Variants in AGAP1 observed in about 807,000 individuals in gnomAD.
AGAP1 encodes ArfGAP with GTPase domain, ankyrin repeat and PH domain 1, also known as arf-GAP with GTPase, ANK repeat and PH domain-containing protein 1.
AGAP1 carries 29 observed loss-of-function variants against 105.3 expected under a neutral mutation model. That is an observed-to-expected ratio of 0.28 (90% CI 0.21 to 0.38). AGAP1 has a LOEUF of 0.38. Ranked by LOEUF, AGAP1 falls within the 10% of genes least tolerant of loss-of-function variation. The pLI, the probability that AGAP1 is intolerant of heterozygous loss-of-function variation, is 1.00. For synonymous variants in AGAP1, 509 were observed against 485.9 expected (o/e 1.05, Z -0.63); for missense variants, 998 against 1,165.1 (o/e 0.86, Z 2.09).
intron 1 of AGAP1, among the ~76,000 whole-genome samples, chr2:235,529,559 C>G (rs975291065): frequency 6.6e-6 from 1 of 152,134 alleles, no homozygotes; most frequent in African/African-American, 2.4e-5. Context: ...CCAGTTAATA[C>G]AGAATGCTTG....
intron 1 of AGAP1, among the ~76,000 whole-genome samples, chr2:235,657,370 ATGT>A (rs551046943): frequency 5.3e-5 from 8 of 152,062 alleles, no homozygotes; most frequent in African/African-American, 1.2e-4. Context: ...AGAATAAGTG[ATGT>A]TGTTGTTGTT....
chr2:235,804,929 G>A (rs1266231352), intron 8 of AGAP1, among the ~76,000 whole-genome samples: 2 of 152,200 alleles, frequency 1.3e-5, no homozygotes, highest in African/African-American at 4.8e-5. Flanking sequence ...CCAGCATCAC[G>A]GAAGGATGTG....
At chr2:235,590,246 A>G (rs1945282000) in intron 1 of AGAP1, among the ~76,000 whole-genome samples, 1 of 152,336 alleles carries the variant, frequency 6.6e-6, no homozygotes. Flanking sequence ...TAAAAGCTCC[A>G]GCTTCAAAAA....
rs1204033534 is a variant in AGAP1, at chr2:235,611,730, T to G, written c.164-97449T>G. ...CTTGAGTTTCTGTTGAAATCTAGAT[T>G]TGGTATAACTGTCTTCATTTCTTTA... On this transcript the variant is annotated intron_variant, in intron 1 of 17. Coordinates refer to ENST00000304032, the MANE Select transcript of AGAP1 (RefSeq NM_001037131.3). The surrounding 1 kb of genome is among the most constrained non-coding windows in gnomAD (Gnocchi z 5.0). 6.6e-6 allele frequency among the ~76,000 whole-genome samples: 1 copy of G among 152,202 alleles called. No homozygotes were observed. The highest frequency in any genetic ancestry group is 2.4e-5 in the African/African-American group (1 of 41,446).
rs138224801 is a variant in AGAP1, at chr2:235,789,623, C to CA, written c.674-8126dup. The stretch of plus-strand genomic sequence containing the variant: ...ATTTTAGATTAGAGGGTTGTTTGCT[C>CA]AAAAAAAAAATACATATATATAGTC... On this transcript the variant is annotated intron_variant, in intron 6 of 17. Coordinates refer to ENST00000304032, the MANE Select transcript of AGAP1 (RefSeq NM_001037131.3). This position sits in a 1 kb window ranked among gnomAD's most constrained non-coding sequence, Gnocchi z 4.2. Among the ~76,000 whole-genome samples, 167 of 148,268 alleles carry CA rather than the reference C, an allele frequency of 1.1e-3. 2 individuals carry two copies. In the East Asian group the frequency reaches 0.02, roughly 18 times the overall value.
rs1180683561 is a variant in AGAP1, at chr2:235,904,460, C to A, written c.1156-4278C>A. Among the ~76,000 whole-genome samples, 2 of 152,136 alleles carry A rather than the reference C, an allele frequency of 1.3e-5. No homozygotes were observed. Among genetic ancestry groups the A allele is most frequent in the Non-Finnish European group, 2.9e-5 (2 of 68,034 alleles). On this transcript the variant is annotated intron_variant, in intron 10 of 17. Coordinates refer to ENST00000304032, the MANE Select transcript of AGAP1 (RefSeq NM_001037131.3). This position sits in a 1 kb window ranked among gnomAD's most constrained non-coding sequence, Gnocchi z 4.2. The stretch of plus-strand genomic sequence containing the variant: ...GAGATGGCACCTCTGGGGGGCCTGG[C>A]TCTTGAGTGGGCCCCAGGGACTTGT...
In AGAP1 at chr2:235,691,565, G is replaced by A. The variant is rs75809421; in HGVS notation, c.164-17614G>A. ...CTGGTTCTAAAACAGTCGGATAGCC[G>A]TGGTCATTTGTGGATGTGAGCACAG... On this transcript the variant is annotated intron_variant, in intron 1 of 17. Coordinates refer to ENST00000304032, the MANE Select transcript of AGAP1 (RefSeq NM_001037131.3). This position sits in a 1 kb window ranked among gnomAD's most constrained non-coding sequence, Gnocchi z 4.4. Among the ~76,000 whole-genome samples the A allele has an allele frequency of 0.015, 2,354 of 152,338 alleles. 46 individuals are homozygous for A. The highest frequency in any genetic ancestry group is 0.046 in the African/African-American group (1,926 of 41,564).
chr2:235,558,121 G>A (rs924164005), intron 1 of AGAP1, among the ~76,000 whole-genome samples: 1 of 152,156 alleles, frequency 6.6e-6, no homozygotes, highest in African/African-American at 2.4e-5. Context: ...GTGTGGAAGG[G>A]GCCTTTCTGT....
At chr2:235,680,837 TA>T (rs1467126403) in intron 1 of AGAP1, among the ~76,000 whole-genome samples, 11 of 152,270 alleles carry the variant, frequency 7.2e-5, no homozygotes, top group African/African-American at 1.9e-4. Flanking sequence ...CTCAGAGTTC[TA>T]CTCCACACTT....
chr2:236,040,950 G>A lies in AGAP1; in HGVS notation c.1891+109G>A, dbSNP rs1055708194. 14 of 1,053,766 alleles carry A rather than the reference G, an allele frequency of 1.3e-5. No homozygotes were observed. In the South Asian group the frequency reaches 2.1e-4, roughly 16 times the overall value. 65.3% of individuals were successfully genotyped at this position (1,053,766 alleles called of 1,614,324 possible). ...CACATCTGTCCTGTTTGGCAGATAA[G>A]AGTTAACTGCTTTTAGGAAATTGAG... is the stretch of plus-strand genomic sequence containing the variant. On this transcript the variant is annotated intron_variant, in intron 15 of 17. Transcript: ENST00000304032. The surrounding 1 kb of genome is among the most constrained non-coding windows in gnomAD (Gnocchi z 5.6).
At chr2:235,837,045 G>GCGCAATCTCAGCTTAC (rs1269321058) in intron 9 of AGAP1, among the ~76,000 whole-genome samples, 4 of 152,202 alleles carry the variant, frequency 2.6e-5, no homozygotes, top group Non-Finnish European at 5.9e-5. Context: ...GAGTGCAGTG[G>GCGCAATCTCAGCTTAC]CGCAATCTCA....
rs1281987201 is a variant in AGAP1, at chr2:235,887,353, C to G, written c.1155+3904C>G. 6.6e-6 allele frequency among the ~76,000 whole-genome samples: 1 copy of G among 152,176 alleles called. No individual in the cohort carries two copies. The highest frequency in any genetic ancestry group is 1.5e-5 in the Non-Finnish European group (1 of 68,034). ...GACCACAGCGTGAAGTGGGGCCTCT[C>G]CCTGGTAACACCCTATTGTCTGAAC... On this transcript the variant is annotated intron_variant, in intron 10 of 17. Coordinates refer to ENST00000304032, the MANE Select transcript of AGAP1 (RefSeq NM_001037131.3). The surrounding 1 kb of genome is among the most constrained non-coding windows in gnomAD (Gnocchi z 4.1).
At position 235,704,969 on chromosome 2, in the gene AGAP1, CTTTTTTTTTTTTT is replaced by C. The variant is rs969370505; in HGVS notation, c.164-4195_164-4183del. On this transcript the variant is annotated intron_variant, in intron 1 of 17. Coordinates refer to ENST00000304032, the MANE Select transcript of AGAP1 (RefSeq NM_001037131.3). Reference sequence around the variant, plus strand: ...ATTGTAAAATACAAGATGCTTTTTTCTTTTTTTTTTTTTTTTTTTTTTTTTTTGCGACAGAGTC... The same window carrying C: ...ATTGTAAAATACAAGATGCTTTTTTCTTTTTTTTTTTTTTGCGACAGAGTC... Among the ~76,000 whole-genome samples the C allele has an allele frequency of 4.9e-4, 29 of 59,698 alleles. 1 individual carries two copies. Among genetic ancestry groups the C allele is most frequent in the African/African-American group, 2.3e-3 (27 of 11,758 alleles). 39.2% of individuals were successfully genotyped at this position (59,698 alleles called of 152,430 possible).
At chr2:235,502,450 C>T (rs1412138466) in intron 1 of AGAP1, among the ~76,000 whole-genome samples, 2 of 152,112 alleles carry the variant, frequency 1.3e-5, no homozygotes, top group Non-Finnish European at 2.9e-5. Context: ...CCATTGGTAA[C>T]CAGAACTTGC....
rs1952610443 is a variant in AGAP1 at position 235,741,879 on chromosome 2, G to C, written c.396+831G>C. Reference sequence around the variant, plus strand: ...GGCCATTCTCCTGCCTCAGCCTCCTGAGTAGCTGGGACTACGGGCGCCTGC... The same window carrying C: ...GGCCATTCTCCTGCCTCAGCCTCCTCAGTAGCTGGGACTACGGGCGCCTGC... On this transcript the variant is annotated intron_variant, in intron 4 of 17. Transcript: ENST00000304032. The surrounding 1 kb of genome is among the most constrained non-coding windows in gnomAD (Gnocchi z 4.9). Among the ~76,000 whole-genome samples the C allele has an allele frequency of 6.6e-6, 1 of 151,538 alleles. No individual in the cohort carries two copies. The highest frequency in any genetic ancestry group is 1.9e-4 in the East Asian group (1 of 5,156).
At chr2:236,019,520 C>A (rs2056818451) in intron 13 of AGAP1, among the ~76,000 whole-genome samples, 1 of 152,214 alleles carries the variant, frequency 6.6e-6, no homozygotes, top group Non-Finnish European at 1.5e-5. Flanking sequence ...AGAGGGAGAT[C>A]TTTTCCTCCT....
chr2:235,923,875 A>C (rs1170111231), intron 11 of AGAP1, among the ~76,000 whole-genome samples: 1 of 152,214 alleles, frequency 6.6e-6, no homozygotes, highest in African/African-American at 2.4e-5. Context: ...AGAAATCTTA[A>C]AGGAGGAAAA....
At chr2:236,041,381 T>C (rs987512389) in intron 15 of AGAP1, among the ~76,000 whole-genome samples, 1 of 138,406 alleles carries the variant, frequency 7.2e-6, no homozygotes, top group African/African-American at 3.1e-5. Context: ...CATCAAATGA[T>C]GTCTTGTTTT....
intron 9 of AGAP1, among the ~76,000 whole-genome samples, chr2:235,861,045 A>G (rs553530032): frequency 1.3e-5 from 2 of 152,312 alleles, no homozygotes; most frequent in South Asian, 2.1e-4. Context: ...GAGCCCACTA[A>G]TATGTTACAG....
Sources: allele counts gnomAD v4.1 joint callset (sites outside exome capture counted in the v4.1 genomes callset), GRCh38; gene constraint gnomAD v4.1.1; non-coding constraint Gnocchi (gnomAD v3.1); transcripts MANE v1.5; gene names NCBI Gene and HGNC (gene_info 2026-07-23, HGNC 2026-07-21).